Variants in PPP2R2B observed in about 807,000 individuals in gnomAD.
PPP2R2B encodes serine/threonine-protein phosphatase 2A 55 kDa regulatory subunit B beta isoform.
PPP2R2B carries 5 observed loss-of-function variants against 46.0 expected under a neutral mutation model. The ratio of observed to expected loss-of-function variants is 0.11; its 90% CI spans 0.06 to 0.23. PPP2R2B has a LOEUF of 0.23. PPP2R2B is among the 10% of genes least tolerant of loss of function. The probability of loss-of-function intolerance (pLI) is 1.00; values close to 1 mark genes in which losing one functional copy is unlikely to be tolerated. For synonymous variants in PPP2R2B, 215 were observed against 206.7 expected (o/e 1.04, Z -0.34); for missense variants, 367 against 575.0 (o/e 0.64, Z 3.70).
chr5:146,677,239 G>T (rs1006632423), intron 5 of PPP2R2B, among the ~76,000 whole-genome samples: 1 of 152,238 alleles, frequency 6.6e-6, no homozygotes, highest in South Asian at 2.1e-4. Context: ...GGATGTTTTC[G>T]CATTAAATAG....
At chr5:146,967,233 T>G (rs2151845878) in intron 1 of PPP2R2B, among the ~76,000 whole-genome samples, 1 of 152,348 alleles carries the variant, frequency 6.6e-6, no homozygotes, top group East Asian at 1.9e-4. Context: ...TGGTTAAGCC[T>G]TTGTAAGAAG....
At chr5:146,902,393 C>T (rs1474548166) in intron 1 of PPP2R2B, among the ~76,000 whole-genome samples, 4 of 152,116 alleles carry the variant, frequency 2.6e-5, no homozygotes, top group African/African-American at 9.7e-5. Context: ...TTTATTACGA[C>T]TCATCTAATA....
At chr5:147,040,643 G>A (rs961758258) in intron 1 of PPP2R2B, 5 of 389,466 alleles carry the variant, frequency 1.3e-5, no homozygotes, top group Non-Finnish European at 2.5e-5. Flanking sequence ...GGCTCAGTGT[G>A]AGCAAACATG....
intron 1 of PPP2R2B, among the ~76,000 whole-genome samples, chr5:146,955,212 C>A (rs1459253597): frequency 6.6e-6 from 1 of 152,122 alleles, no homozygotes; most frequent in Non-Finnish European, 1.5e-5. Context: ...TAATTAAAAG[C>A]CCCCAGATGA....
chr5:146,644,585 A>T (rs1775455525), intron 6 of PPP2R2B, among the ~76,000 whole-genome samples: 1 of 152,198 alleles, frequency 6.6e-6, no homozygotes, highest in African/African-American at 2.4e-5. Flanking sequence ...GTTTGAGATA[A>T]TATTGTGAAA....
intron 1 of PPP2R2B, among the ~76,000 whole-genome samples, chr5:147,005,443 C>T (rs1246460406): frequency 6.6e-6 from 1 of 152,196 alleles, no homozygotes; most frequent in Admixed American, 6.5e-5. Flanking sequence ...CTTATCTAAT[C>T]CTACATGCCC....
intron 1 of PPP2R2B, among the ~76,000 whole-genome samples, chr5:147,046,585 C>CA (rs1214874478): frequency 6.6e-6 from 1 of 151,986 alleles, no homozygotes; most frequent in Non-Finnish European, 1.5e-5. Context: ...GAACCAAAGA[C>CA]AAAAAATAGA....
At chr5:146,667,086 A>C (rs1777027797) in intron 5 of PPP2R2B, among the ~76,000 whole-genome samples, 1 of 152,104 alleles carries the variant, frequency 6.6e-6, no homozygotes, top group African/African-American at 2.4e-5. Context: ...TTTTCTGTCT[A>C]ATAAAGGCTA....
At chr5:146,788,109 G>T (rs1051863324) in intron 2 of PPP2R2B, among the ~76,000 whole-genome samples, 1 of 152,130 alleles carries the variant, frequency 6.6e-6, no homozygotes, top group Non-Finnish European at 1.5e-5. Flanking sequence ...CCATGCCGTT[G>T]TGTGAGCATT....
At chr5:146,950,811 T>G (rs560965278) in intron 1 of PPP2R2B, among the ~76,000 whole-genome samples, 3 of 152,138 alleles carry the variant, frequency 2.0e-5, no homozygotes, top group African/African-American at 7.2e-5. Flanking sequence ...ATGAACAAAT[T>G]AATGCTGTTA....
intron 1 of PPP2R2B, among the ~76,000 whole-genome samples, chr5:146,915,311 GAAA>G (rs1561515576): frequency 6.6e-6 from 1 of 152,098 alleles, no homozygotes; most frequent in Non-Finnish European, 1.5e-5. Context: ...TGGATTCGGA[GAAA>G]AATTCAAATT....
At chr5:146,857,163 G>A (rs1366922590) in intron 2 of PPP2R2B, among the ~76,000 whole-genome samples, 3 of 152,118 alleles carry the variant, frequency 2.0e-5, no homozygotes, top group Admixed American at 2.0e-4. Context: ...GAATGCTCTG[G>A]TGCAGAACAA....
At chr5:146,723,350 G>T (rs1323405048) in intron 2 of PPP2R2B, among the ~76,000 whole-genome samples, 1 of 152,062 alleles carries the variant, frequency 6.6e-6, no homozygotes, top group African/African-American at 2.4e-5. Context: ...AACTTTCATA[G>T]TGTCATTTTA....
Position 146,589,925 on chromosome 5 carries a change from TA to T in PPP2R2B, c.*21del. On this transcript the variant is annotated 3_prime_UTR_variant, in exon 10 of 10. Coordinates refer to ENST00000394411, the MANE Select transcript of PPP2R2B (RefSeq NM_181675.4). ...TTGACTAGTATTCAGTATGTGAGAT[TA>T]TTAAGTAATAACTTGTCCACCTAGT... 6.2e-7 allele frequency: 1 copy of T among 1,603,984 alleles called. No homozygotes were observed. Among genetic ancestry groups the T allele is most frequent in the Non-Finnish European group, 8.5e-7 (1 of 1,171,564 alleles).
At chr5:146,780,015 C>G (rs1434663084) in intron 2 of PPP2R2B, among the ~76,000 whole-genome samples, 2 of 152,126 alleles carry the variant, frequency 1.3e-5, no homozygotes, top group Admixed American at 1.3e-4. Context: ...GTAGCTCAAA[C>G]TAAGTGTTTT....
chr5:146,969,064 C>A (rs1752556656), intron 1 of PPP2R2B, among the ~76,000 whole-genome samples: 1 of 152,212 alleles, frequency 6.6e-6, no homozygotes, highest in African/African-American at 2.4e-5. Flanking sequence ...TAGACATAGG[C>A]TCCTACTTGA....
At chr5:146,933,551 C>T (rs1173919335) in intron 1 of PPP2R2B, among the ~76,000 whole-genome samples, 1 of 151,972 alleles carries the variant, frequency 6.6e-6, no homozygotes, top group Non-Finnish European at 1.5e-5. Flanking sequence ...CATTAAGGGC[C>T]ACCTCACTTT....
At position 146,587,840 on chromosome 5, in the gene PPP2R2B, A is replaced by T. The variant is rs1188886496; in HGVS notation, c.*2107T>A. The T allele has an allele frequency of 2.0e-5, 3 of 152,230 alleles. No homozygotes were observed. The highest frequency in any genetic ancestry group is 7.2e-5 in the African/African-American group (3 of 41,458). The allele number at this position is 152,230 out of a possible 1,614,324, so 9.4% of individuals were successfully genotyped here. On this transcript the variant is annotated 3_prime_UTR_variant, in exon 10 of 10. Coordinates refer to ENST00000394411, the MANE Select transcript of PPP2R2B (RefSeq NM_181675.4). ...TCTTGCTTTTAAGAAAAGGTGACTT[A>T]AAAAAATGTTACATGAGTAATAGTA... is the stretch of plus-strand genomic sequence containing the variant.
chr5:146,596,006 G>C (rs1771132680), intron 8 of PPP2R2B, among the ~76,000 whole-genome samples: 1 of 152,120 alleles, frequency 6.6e-6, no homozygotes, highest in Admixed American at 6.5e-5. Context: ...TTCAAGTGTT[G>C]ACAAACTTTT....
Sources: allele counts gnomAD v4.1 joint callset (sites outside exome capture counted in the v4.1 genomes callset), GRCh38; gene constraint gnomAD v4.1.1; transcripts MANE v1.5; gene names NCBI Gene and HGNC (gene_info 2026-07-23, HGNC 2026-07-21).